RBMS1: variants seen among roughly 807,000 people sequenced by gnomAD.
The protein encoded by RBMS1 is RNA-binding motif, single-stranded-interacting protein 1.
A neutral mutation model predicts 62.3 loss-of-function variants in RBMS1; 17 were observed. The observed-to-expected ratio is 0.27, with a 90% CI of 0.19 to 0.41. RBMS1 has a LOEUF of 0.41. Among genes scored for constraint, RBMS1 ranks in the 10% least tolerant of loss-of-function variants. RBMS1 has a pLI of 1.00. For missense variants in RBMS1, 334 were observed against 504.5 expected (o/e 0.66, Z 3.24); for synonymous variants, 172 against 170.0 (o/e 1.01, Z -0.09).
At chr2:160,457,092 TTATTA>T (rs1349681328) in intron 1 of RBMS1, among the ~76,000 whole-genome samples, 1 of 151,358 alleles carries the variant, frequency 6.6e-6, no homozygotes, top group Non-Finnish European at 1.5e-5. Context: ...TATTTATTAT[TTATTA>T]TGTTTATTTT....
intron 9 of RBMS1, chr2:160,283,475 G>GA (rs920436816): frequency 6.6e-6 from 1 of 152,150 alleles, no homozygotes; most frequent in African/African-American, 2.4e-5. Context: ...AACCCAGAGA[G>GA]AAAAAAGAAA....
intron 11 of RBMS1, 112 bp downstream of exon 11, chr2:160,278,432 AGGGG>A: frequency 6.1e-6 from 5 of 818,470 alleles, no homozygotes; most frequent in Middle Eastern, 6.9e-4. Context: ...GGGGGAAGAG[AGGGG>A]ATTAGACATA....
intron 12 of RBMS1, among the ~76,000 whole-genome samples, chr2:160,277,046 T>TC (rs1687873450): frequency 6.6e-6 from 1 of 152,092 alleles, no homozygotes; most frequent in Non-Finnish European, 1.5e-5. Flanking sequence ...TCTGGCCAAT[T>TC]TTCAAACAAT....
intron 1 of RBMS1, among the ~76,000 whole-genome samples, chr2:160,415,267 G>T (rs951200724): frequency 6.6e-6 from 1 of 152,028 alleles, no homozygotes. Context: ...GATATTACTA[G>T]GTAATCTCTG....
intron 4 of RBMS1, among the ~76,000 whole-genome samples, chr2:160,310,375 T>C (rs775564587): frequency 3.3e-5 from 5 of 152,222 alleles, no homozygotes; most frequent in Non-Finnish European, 5.9e-5. Flanking sequence ...ACATCCCTTA[T>C]GTTGACTCTC....
chr2:160,420,952 A>G (rs1696399358), intron 1 of RBMS1, among the ~76,000 whole-genome samples: 1 of 152,148 alleles, frequency 6.6e-6, no homozygotes, highest in African/African-American at 2.4e-5. Context: ...TTAAAACCCA[A>G]GATGGTACCA....
At chr2:160,289,306 G>A (rs1003886245) in intron 6 of RBMS1, among the ~76,000 whole-genome samples, 6 of 151,830 alleles carry the variant, frequency 4.0e-5, no homozygotes, top group African/African-American at 9.7e-5. Context: ...TTTTTTCCCC[G>A]CTAAAAGCAA....
chr2:160,277,635 G>C lies in RBMS1; in HGVS notation c.1063-252C>G. 3 of 354,498 alleles carry C rather than the reference G, an allele frequency of 8.5e-6. No individual in the cohort carries two copies. In the South Asian group the frequency reaches 1.6e-4, roughly 19 times the overall value. The allele number at this position is 354,498 out of a possible 1,614,324, so 22.0% of individuals were successfully genotyped here. ...TGCTAACAAAGTGAAGATAAAAAAA[G>C]TTTATTATGGGTGAAGATAAAAAAG... is the stretch of plus-strand genomic sequence containing the variant. On this transcript the variant is annotated intron_variant, in intron 11 of 13. Transcript: ENST00000348849.
chr2:160,388,363 G>A (rs1038894257), intron 1 of RBMS1, among the ~76,000 whole-genome samples: 1 of 152,132 alleles, frequency 6.6e-6, no homozygotes, highest in African/African-American at 2.4e-5. Flanking sequence ...CGGCGACAGA[G>A]GGACCCAATG....
At chr2:160,368,039 T>C (rs1374288808) in intron 1 of RBMS1, among the ~76,000 whole-genome samples, 1 of 152,096 alleles carries the variant, frequency 6.6e-6, no homozygotes, top group African/African-American at 2.4e-5. Context: ...CCACCACAAC[T>C]CAAAGTAAAG....
intron 6 of RBMS1, among the ~76,000 whole-genome samples, chr2:160,297,112 A>G (rs925732150): frequency 3.3e-5 from 5 of 152,214 alleles, no homozygotes; most frequent in Non-Finnish European, 7.3e-5. Context: ...CTAAGGCTCA[A>G]AGAAGACTTG....
chr2:160,402,014 G>A (rs140735582), intron 1 of RBMS1: 4 of 152,052 alleles, frequency 2.6e-5, no homozygotes, highest in African/African-American at 7.2e-5. Context: ...ATTCTTAGAG[G>A]CTGTAAACAC....
intron 1 of RBMS1, among the ~76,000 whole-genome samples, chr2:160,463,520 AG>A (rs1414936773): frequency 5.3e-5 from 8 of 152,322 alleles, no homozygotes; most frequent in Non-Finnish European, 7.3e-5. Context: ...GCGGTGGCTC[AG>A]GCCTATAATC....
chr2:160,447,503 C>G (rs756699765), intron 1 of RBMS1, among the ~76,000 whole-genome samples: 2 of 152,164 alleles, frequency 1.3e-5, no homozygotes, highest in Admixed American at 6.5e-5. Flanking sequence ...CAAGAATATA[C>G]AGTATTAGAA....
At chr2:160,347,517 C>A (rs1040791459) in intron 2 of RBMS1, among the ~76,000 whole-genome samples, 1 of 152,074 alleles carries the variant, frequency 6.6e-6, no homozygotes, top group African/African-American at 2.4e-5. Context: ...TCAAGTAAGA[C>A]TACAGAACTG....
At chr2:160,450,595 C>T (rs1367739228) in intron 1 of RBMS1, among the ~76,000 whole-genome samples, 2 of 142,560 alleles carry the variant, frequency 1.4e-5, no homozygotes, top group Non-Finnish European at 3.1e-5. Context: ...AACATTAACC[C>T]AGTTTGTAAT....
At chr2:160,426,763 G>GCCACCTCATTCC (rs1377188852) in intron 1 of RBMS1, among the ~76,000 whole-genome samples, 2 of 152,120 alleles carry the variant, frequency 1.3e-5, no homozygotes, top group African/African-American at 4.8e-5. Flanking sequence ...GATCTGTGCC[G>GCCACCTCATTCC]CCACCTCATT....
Position 160,272,493 on chromosome 2 carries a change from T to A in RBMS1, c.*2279A>T, listed in dbSNP as rs573976487. The A allele has an allele frequency of 4.5e-4, 69 of 152,026 alleles. No individual in the cohort carries two copies. Among genetic ancestry groups the A allele is most frequent in the African/African-American group, 1.5e-3 (63 of 41,418 alleles). 9.4% of individuals were successfully genotyped at this position (152,026 alleles called of 1,614,324 possible). The stretch of plus-strand genomic sequence containing the variant: ...TGTTTAACTGATTTTTTTTTTTTTA[T>A]GTACAGAGGTTATGTTTCCCAAATC... On this transcript the variant is annotated 3_prime_UTR_variant, in exon 14 of 14. Coordinates refer to ENST00000348849, the MANE Select transcript of RBMS1 (RefSeq NM_016836.4).
At chr2:160,483,656 G>A (rs1395065746) in intron 1 of RBMS1, among the ~76,000 whole-genome samples, 1 of 152,156 alleles carries the variant, frequency 6.6e-6, no homozygotes, top group Non-Finnish European at 1.5e-5. Context: ...TAGCTTATAC[G>A]ATGGTCACAC....
Sources: gnomAD v4.1 joint callset for allele counts (sites outside exome capture counted in the v4.1 genomes callset) on GRCh38, gnomAD v4.1.1 for gene constraint, MANE v1.5 for transcripts, NCBI Gene and HGNC (gene_info 2026-07-23, HGNC 2026-07-21) for gene names.